The following SLC12A8 variants were observed in gnomAD, a reference collection of about 807,000 sequenced individuals.
SLC12A8 encodes cation-chloride cotransporter 9.
Under a neutral mutation model 75.6 loss-of-function variants are expected in SLC12A8, and 69 were observed. That is an observed-to-expected ratio of 0.91 (90% CI 0.75 to 1.11). The LOEUF (loss-of-function observed/expected upper bound fraction) is 1.11, where lower values mean the gene tolerates loss of function less well. Ranked by LOEUF, SLC12A8 falls within the 50% of genes most tolerant of loss-of-function variation. The pLI is 0.00. For missense variants in SLC12A8, 877 were observed against 896.7 expected, an observed-to-expected ratio of 0.98 and a Z score of 0.28; for synonymous variants, 365 against 372.8, an observed-to-expected ratio of 0.98 and a Z score of 0.24.
In SLC12A8 at chr3:125,107,619, A is replaced by C. The variant is rs1357298178; in HGVS notation, c.1567T>G (p.Leu523Val). Residue 523 changes from leucine (L) to valine (V), a missense_variant, in exon 10 of 14, where the codon TTG becomes GTG. Coordinates refer to ENST00000469902, the MANE Select transcript of SLC12A8 (RefSeq NM_024628.6). ...PSFPVEISDR[L>V]PAASWEGQES... ...TGCCCCTCCCAGGAGGCAGCGGGCA[A>C]CCTGTCAGAGATCTCGACAGGGAAA... The C allele has an allele frequency of 6.2e-7, 1 of 1,614,100 alleles. No homozygotes were observed. The highest frequency in any genetic ancestry group is 8.5e-7 in the Non-Finnish European group (1 of 1,180,010).
intron 5 of SLC12A8, among the ~76,000 whole-genome samples, chr3:125,165,275 G>A (rs528268052): frequency 6.6e-6 from 1 of 152,204 alleles, no homozygotes; most frequent in Non-Finnish European, 1.5e-5. Flanking sequence ...ACCTCTGTGG[G>A]CAGTGAGGAA....
rs192912123 is a variant in SLC12A8 at position 125,089,607 on chromosome 3, C to T, written c.1922-1237G>A. On this transcript the variant is annotated intron_variant, in intron 12 of 13. Coordinates refer to ENST00000469902, the MANE Select transcript of SLC12A8 (RefSeq NM_024628.6). ...TCTAAATCATTATTTTTAATACACA[C>T]GACTTAAAATGTTTGAAGTGCATTT... 1.2e-4 allele frequency among the ~76,000 whole-genome samples: 18 copies of T among 150,716 alleles called. No individual in the cohort carries two copies. In the East Asian group the frequency reaches 1.8e-3, roughly 15 times the overall value.
chr3:125,129,751 C>T (rs1323282583), intron 6 of SLC12A8, among the ~76,000 whole-genome samples: 2 of 152,214 alleles, frequency 1.3e-5, no homozygotes, highest in African/African-American at 4.8e-5. Context: ...AATCTATCAC[C>T]ATGGAAACTG....
Position 125,141,801 on chromosome 3 carries a change from T to A in SLC12A8, c.623-6019A>T, listed in dbSNP as rs551961718. Among the ~76,000 whole-genome samples, 3 of 150,738 alleles carry A rather than the reference T, an allele frequency of 2.0e-5. No individual in the cohort carries two copies. The East Asian group carries it at 5.9e-4, about 30-fold the overall frequency. On this transcript the variant is annotated intron_variant, in intron 5 of 13. Coordinates refer to ENST00000469902, the MANE Select transcript of SLC12A8 (RefSeq NM_024628.6). ...CAGCCAGACAGCCCTTTCCTGCGAA[T>A]GGACAATGGGAGAGGCTGGCGCAAC...
chr3:125,153,019 C>T (rs1365793500), intron 5 of SLC12A8, among the ~76,000 whole-genome samples: 1 of 152,170 alleles, frequency 6.6e-6, no homozygotes, highest in Non-Finnish European at 1.5e-5. Context: ...TCCACCCTGC[C>T]ACTCCTCTTC....
intron 5 of SLC12A8, among the ~76,000 whole-genome samples, chr3:125,144,163 C>G (rs1441615101): frequency 1.3e-5 from 2 of 152,126 alleles, no homozygotes; most frequent in African/African-American, 2.4e-5. Context: ...TCACCTGGGC[C>G]CCAGGAAACA....
At chr3:125,125,993 T>C in intron 6 of SLC12A8, 1 of 911,228 alleles carries the variant, frequency 1.1e-6, no homozygotes, top group African/African-American at 1.8e-5. Context: ...ATTTCTGGGT[T>C]TTAAACGCCA....
At chr3:125,085,831 C>T (rs1938445357) in intron 13 of SLC12A8, among the ~76,000 whole-genome samples, 1 of 152,172 alleles carries the variant, frequency 6.6e-6, no homozygotes, top group Non-Finnish European at 1.5e-5. Context: ...CTGCCTCAGC[C>T]TCCCAAAGTG....
intron 2 of SLC12A8, among the ~76,000 whole-genome samples, chr3:125,193,101 G>T (rs1012440180): frequency 5.9e-5 from 9 of 152,356 alleles, no homozygotes; most frequent in Middle Eastern, 6.8e-3. Context: ...GGGCGCAGTG[G>T]CTCATGCCTG....
At chr3:125,195,415 C>T (rs2107798939) in intron 2 of SLC12A8, among the ~76,000 whole-genome samples, 1 of 152,284 alleles carries the variant, frequency 6.6e-6, no homozygotes, top group East Asian at 1.9e-4. Flanking sequence ...AGCAAGGATC[C>T]AATTGGAGCC....
chr3:125,135,743 T>C lies in SLC12A8; in HGVS notation c.662A>G (p.Asn221Ser), dbSNP rs755228389. The C allele has an allele frequency of 8.7e-6, 14 of 1,608,912 alleles. No individual in the cohort carries two copies. The African/African-American group carries it at 1.3e-4, about 15-fold the overall frequency. The stretch of plus-strand genomic sequence containing the variant: ...CGGGCTGTAATCGGGCAGCGTGTTG[T>C]TCTGTAGCAGTTCGGGTGAATATCC... ...FIGYSPELLQNNTLPDYSPGE... is the reference protein window; with the variant it reads ...FIGYSPELLQSNTLPDYSPGE... The change falls in exon 6 of 14, where the codon AAC becomes AGC. Residue 221 changes from asparagine (N) to serine (S), a missense_variant. By Grantham distance (46) the Asn-to-Ser change is conservative. Coordinates refer to ENST00000469902, the MANE Select transcript of SLC12A8 (RefSeq NM_024628.6).
At chr3:125,175,752 C>A (rs1186566575) in intron 5 of SLC12A8, among the ~76,000 whole-genome samples, 20 of 39,938 alleles carry the variant, frequency 5.0e-4, no homozygotes, top group Middle Eastern at 0.01. Context: ...TGGTACATGG[C>A]CAGGAAAAAA....
At chr3:125,144,421 G>T (rs1297317847) in intron 5 of SLC12A8, among the ~76,000 whole-genome samples, 1 of 152,164 alleles carries the variant, frequency 6.6e-6, no homozygotes, top group African/African-American at 2.4e-5. Context: ...AGCTGCTCCA[G>T]CTGGGACCCT....
intron 5 of SLC12A8, among the ~76,000 whole-genome samples, chr3:125,175,887 A>G (rs929454675): frequency 1.3e-5 from 2 of 152,170 alleles, no homozygotes; most frequent in Non-Finnish European, 2.9e-5. Context: ...CCCTGGGGTT[A>G]ACCCTTTAGG....
intron 4 of SLC12A8, among the ~76,000 whole-genome samples, chr3:125,181,367 C>T (rs577511622): frequency 2.0e-5 from 3 of 149,762 alleles, no homozygotes; most frequent in Admixed American, 6.6e-5. Context: ...TTTGGGAGGC[C>T]GAGGCGGGTG....
chr3:125,178,038 C>A, intron 4 of SLC12A8, 64 bp from the exon 5 acceptor site: 1 of 1,350,686 alleles, frequency 7.4e-7, no homozygotes, highest in Non-Finnish European at 1.0e-6. Flanking sequence ...TGGGCAGAAC[C>A]GCCCAGCGCT....
At chr3:125,166,563 CCAGA>C (rs1265988957) in intron 5 of SLC12A8, among the ~76,000 whole-genome samples, 1 of 152,204 alleles carries the variant, frequency 6.6e-6, no homozygotes, top group Non-Finnish European at 1.5e-5. Context: ...CACTCAGCTC[CCAGA>C]CAATCTCCTC....
chr3:125,136,643 A>G (rs1201945263), intron 5 of SLC12A8, among the ~76,000 whole-genome samples: 1 of 152,220 alleles, frequency 6.6e-6, no homozygotes, highest in Non-Finnish European at 1.5e-5. Flanking sequence ...CTCTCAGCCT[A>G]TGGACACATC....
chr3:125,140,505 G>T (rs1176714692), intron 5 of SLC12A8, among the ~76,000 whole-genome samples: 2 of 151,936 alleles, frequency 1.3e-5, no homozygotes, highest in Non-Finnish European at 2.9e-5. Context: ...ATCTCCCCCG[G>T]CCCCATTTGT....
Sources: gnomAD v4.1 joint callset for allele counts (sites outside exome capture counted in the v4.1 genomes callset) on GRCh38, gnomAD v4.1.1 for gene constraint, MANE v1.5 for transcripts, NCBI Gene and HGNC (gene_info 2026-07-23, HGNC 2026-07-21) for gene names.